The following SLC7A1 variants were observed in gnomAD, a reference collection of about 807,000 sequenced individuals.
SLC7A1 encodes solute carrier family 7 member 1.
Under a neutral mutation model 53.9 loss-of-function variants are expected in SLC7A1, and 10 were observed. The ratio of observed to expected loss-of-function variants is 0.19; its 90% CI spans 0.11 to 0.31. SLC7A1 has a LOEUF of 0.31. SLC7A1 is among the 10% of genes least tolerant of loss of function. The probability of loss-of-function intolerance (pLI) is 1.00; values close to 1 mark genes in which losing one functional copy is unlikely to be tolerated. For missense variants in SLC7A1, 525 were observed against 827.2 expected (o/e 0.63, Z 4.48); for synonymous variants, 342 against 338.7 (o/e 1.01, Z -0.11).
intron 1 of SLC7A1, among the ~76,000 whole-genome samples, chr13:29,573,521 C>T (rs116828295): frequency 0.012 from 1,800 of 152,316 alleles, 31 homozygotes; most frequent in African/African-American, 0.04. Context: ...CTCTGTGTGT[C>T]TGCCTTAAGG....
rs1421651962 is a variant in SLC7A1, at chr13:29,595,636, T to A, written c.-335A>T. The A allele has an allele frequency of 1.3e-5, 2 of 151,062 alleles. No individual in the cohort carries two copies. The highest frequency in any genetic ancestry group is 3.0e-5 in the Non-Finnish European group (2 of 67,788). 9.4% of individuals were successfully genotyped at this position (151,062 alleles called of 1,614,324 possible). A position where few individuals can be genotyped will look rare whatever the true frequency, so the allele number is the denominator to read the frequency against. On this transcript the variant is annotated 5_prime_UTR_variant, in exon 1 of 13. Coordinates refer to ENST00000380752, the MANE Select transcript of SLC7A1 (RefSeq NM_003045.5). Reference sequence around the variant, plus strand: ...GCTGCTCACACCTGCCTGCGCGGACTGAATGGGCGCCGAGGGCTGGCGGGT... The same window carrying A: ...GCTGCTCACACCTGCCTGCGCGGACAGAATGGGCGCCGAGGGCTGGCGGGT...
intron 1 of SLC7A1, among the ~76,000 whole-genome samples, chr13:29,567,824 G>C (rs1187583907): frequency 6.6e-6 from 1 of 151,218 alleles, no homozygotes; most frequent in African/African-American, 2.4e-5. Flanking sequence ...GCAAGCTCTT[G>C]CAAGTCTTGG....
rs1868731696 is a variant in SLC7A1 at position 29,523,507 on chromosome 13, A to G, written c.827-19T>C. 3 of 1,579,330 alleles carry G rather than the reference A, an allele frequency of 1.9e-6. No homozygotes were observed. The highest frequency in any genetic ancestry group is 8.7e-7 in the Non-Finnish European group (1 of 1,149,218). On this transcript the variant is annotated intron_variant, in intron 6 of 12. Coordinates refer to ENST00000380752, the MANE Select transcript of SLC7A1 (RefSeq NM_003045.5). The stretch of plus-strand genomic sequence containing the variant: ...TCTTCACCTAGAAGCACAAGGGGTC[A>G]GCGGAGGAGGGCACACAGCAAGAGG...
At chr13:29,562,098 G>A (rs9579405) in intron 1 of SLC7A1, among the ~76,000 whole-genome samples, 9,955 of 152,234 alleles carry the variant, frequency 0.065, 400 homozygotes, top group Middle Eastern at 0.16. Context: ...CCTGACTTCC[G>A]TAGTTCCATC....
chr13:29,511,691 C>T lies in SLC7A1; in HGVS notation c.*2789G>A, dbSNP rs1883396680. 6.6e-6 allele frequency: 1 copy of T among 152,146 alleles called. No individual in the cohort carries two copies. The highest frequency in any genetic ancestry group is 6.5e-5 in the Admixed American group (1 of 15,280). 9.4% of individuals were successfully genotyped at this position (152,146 alleles called of 1,614,324 possible). A position where few individuals can be genotyped will look rare whatever the true frequency, so the allele number is the denominator to read the frequency against. On this transcript the variant is annotated 3_prime_UTR_variant, in exon 13 of 13. Transcript: ENST00000380752. The stretch of plus-strand genomic sequence containing the variant: ...CCTGAGGCAGGGGGGTGGAGATCTG[C>T]TGGGTTTGCTGCTTCATGAATTTGG...
intron 5 of SLC7A1, among the ~76,000 whole-genome samples, chr13:29,527,721 G>A (rs1868961416): frequency 6.6e-6 from 1 of 152,190 alleles, no homozygotes; most frequent in African/African-American, 2.4e-5. Context: ...GACAATGCCT[G>A]GCATAGAAAG....
At chr13:29,524,010 CA>C (rs1282341860) in intron 6 of SLC7A1, 121 bp downstream of exon 6, 4 of 912,712 alleles carry the variant, frequency 4.4e-6, no homozygotes, top group Admixed American at 4.8e-5. Context: ...TACAAATCTA[CA>C]TGTTGCTCAT....
At chr13:29,590,758 C>T (rs1872074579) in intron 1 of SLC7A1, among the ~76,000 whole-genome samples, 1 of 152,156 alleles carries the variant, frequency 6.6e-6, no homozygotes, top group Admixed American at 6.5e-5. Flanking sequence ...AAGAGCACAA[C>T]ATTTTAATGC....
chr13:29,536,318 T>TA, intron 2 of SLC7A1, 116 bp from the exon 3 acceptor site: 4 of 1,066,430 alleles, frequency 3.8e-6, no homozygotes, highest in Non-Finnish European at 5.4e-6. Context: ...CATTTCCTGC[T>TA]AAAACGCTTT....
intron 1 of SLC7A1, among the ~76,000 whole-genome samples, chr13:29,568,147 C>T (rs1871047410): frequency 6.6e-6 from 1 of 152,216 alleles, no homozygotes; most frequent in African/African-American, 2.4e-5. Context: ...CAGGCTACAT[C>T]TAAAACGTGG....
chr13:29,557,522 T>A (rs907501440), intron 1 of SLC7A1, among the ~76,000 whole-genome samples: 2 of 151,982 alleles, frequency 1.3e-5, no homozygotes, highest in Non-Finnish European at 2.9e-5. Flanking sequence ...AGTCACACAA[T>A]GGTAAGTATC....
chr13:29,516,743 G>A (rs1883569151), intron 11 of SLC7A1: 1 of 178,692 alleles, frequency 5.6e-6, no homozygotes, highest in Non-Finnish European at 1.2e-5. Context: ...AAACTTAGGG[G>A]CAAGTGGCTT....
intron 1 of SLC7A1, among the ~76,000 whole-genome samples, chr13:29,557,402 C>A (rs1327281242): frequency 1.3e-5 from 2 of 152,060 alleles, no homozygotes; most frequent in Non-Finnish European, 2.9e-5. Context: ...AGTGTACTGA[C>A]AGAAACCTAG....
chr13:29,522,551 G>A, intron 7 of SLC7A1, 95 bp from the exon 8 acceptor site: 1 of 1,387,990 alleles, frequency 7.2e-7, no homozygotes, highest in Non-Finnish European at 1.0e-6. Context: ...GGAGGAGAGG[G>A]AGTCTGAGCT....
chr13:29,561,026 C>T (rs1054973918), intron 1 of SLC7A1, among the ~76,000 whole-genome samples: 1 of 152,184 alleles, frequency 6.6e-6, no homozygotes, highest in African/African-American at 2.4e-5. Flanking sequence ...TTCGCCTGTT[C>T]TTATCCTATT....
chr13:29,593,335 T>A (rs1348354567), intron 1 of SLC7A1, among the ~76,000 whole-genome samples: 2 of 152,184 alleles, frequency 1.3e-5, no homozygotes, highest in Non-Finnish European at 2.9e-5. Flanking sequence ...AGGGGCCAAC[T>A]ATACAGAAAA....
intron 1 of SLC7A1, among the ~76,000 whole-genome samples, chr13:29,590,806 A>C (rs1300443676): frequency 6.6e-6 from 1 of 152,160 alleles, no homozygotes; most frequent in East Asian, 1.9e-4. Flanking sequence ...GTTGTTGTAA[A>C]AATTATTTTT....
chr13:29,548,341 AC>A (rs1210389882), intron 2 of SLC7A1, among the ~76,000 whole-genome samples: 3 of 152,224 alleles, frequency 2.0e-5, no homozygotes, highest in Admixed American at 6.5e-5. Flanking sequence ...TTTGCGGTTC[AC>A]CCCTTCCTTA....
chr13:29,556,976 C>A (rs1024867146), intron 1 of SLC7A1, among the ~76,000 whole-genome samples: 2 of 152,206 alleles, frequency 1.3e-5, no homozygotes, highest in Non-Finnish European at 2.9e-5. Flanking sequence ...ACTTAAAAGT[C>A]TAAAGAAAGG....
Sources: gnomAD v4.1 joint callset for allele counts (sites outside exome capture counted in the v4.1 genomes callset) on GRCh38, gnomAD v4.1.1 for gene constraint, MANE v1.5 for transcripts, NCBI Gene and HGNC (gene_info 2026-07-23, HGNC 2026-07-21) for gene names.